The following SMARCB1 variants were observed in gnomAD, a reference collection of about 807,000 sequenced individuals.
The protein encoded by SMARCB1 is SWI/SNF-related matrix-associated actin-dependent regulator of chromatin subfamily B member 1.
A neutral mutation model predicts 49.0 loss-of-function variants in SMARCB1; 5 were observed. The observed-to-expected ratio is 0.10, with a 90% CI of 0.05 to 0.21. The LOEUF (loss-of-function observed/expected upper bound fraction) is 0.21. Among genes scored for constraint, SMARCB1 ranks in the 10% least tolerant of loss-of-function variants. SMARCB1 has a pLI of 1.00. For synonymous variants in SMARCB1, 201 were observed against 200.1 expected (o/e 1.00, Z -0.04); for missense variants, 226 against 509.2 (o/e 0.44, Z 5.35).
chr22:23,816,445 C>T, intron 5 of SMARCB1: 1 of 519,028 alleles, frequency 1.9e-6, no homozygotes, highest in Non-Finnish European at 3.5e-6. Context: ...TTTGATGTGC[C>T]TTTGCTGGCC....
Position 23,787,118 on chromosome 22 carries a change from G to T in SMARCB1, c.-52G>T. 1 of 1,170,156 alleles carries T rather than the reference G, an allele frequency of 8.5e-7. No individual in the cohort carries two copies. Among genetic ancestry groups the T allele is most frequent in the Non-Finnish European group, 1.3e-6 (1 of 781,710 alleles). 72.5% of individuals were successfully genotyped at this position (1,170,156 alleles called of 1,614,324 possible). A position where few individuals can be genotyped will look rare whatever the true frequency, so the allele number is the denominator to read the frequency against. On this transcript the variant is annotated 5_prime_UTR_variant, in exon 1 of 9. Coordinates refer to ENST00000644036, the MANE Select transcript of SMARCB1 (RefSeq NM_003073.5). Reference sequence around the variant, plus strand: ...CCCAGCACGCCCCGGCCCCGCCCCAGCCCTCCTGATCCCTCGCAGCCCGGC... The same window carrying T: ...CCCAGCACGCCCCGGCCCCGCCCCATCCCTCCTGATCCCTCGCAGCCCGGC...
intron 3 of SMARCB1, among the ~76,000 whole-genome samples, chr22:23,800,463 G>T (rs544565122): frequency 6.6e-6 from 1 of 152,266 alleles, no homozygotes; most frequent in Admixed American, 6.5e-5. Flanking sequence ...GCCACCTGCT[G>T]AGTAAAGTCA....
Position 23,833,002 on chromosome 22 carries a change from C to A in SMARCB1, c.987-570C>A, listed in dbSNP as rs150883427. Among the ~76,000 whole-genome samples, 322 of 152,180 alleles carry A rather than the reference C, an allele frequency of 2.1e-3. 1 individual carries two copies. The highest frequency in any genetic ancestry group is 7.5e-3 in the African/African-American group (312 of 41,512). On this transcript the variant is annotated intron_variant, in intron 7 of 8. Transcript: ENST00000644036. ...CTGTCTGATCCTAAGCACAGACCAG[C>A]CTCTCGGGGGTTTTGTTCGGCCAGG...
At chr22:23,814,426 G>A (rs1284329465) in intron 5 of SMARCB1, among the ~76,000 whole-genome samples, 1 of 152,254 alleles carries the variant, frequency 6.6e-6, no homozygotes, top group African/African-American at 2.4e-5. Flanking sequence ...AGCACTTCGG[G>A]AGGCTGAGGT....
intron 2 of SMARCB1, chr22:23,792,354 G>C: frequency 6.1e-6 from 2 of 330,136 alleles, no homozygotes; most frequent in Non-Finnish European, 5.9e-6. Flanking sequence ...GTGTGCTAGA[G>C]CCCATGTGCA....
At chr22:23,828,628 C>T (rs768648574) in intron 7 of SMARCB1, among the ~76,000 whole-genome samples, 6 of 152,038 alleles carry the variant, frequency 3.9e-5, no homozygotes, top group Non-Finnish European at 5.9e-5. Context: ...TGCTCCAGCC[C>T]GACAGAGCTA....
Position 23,834,207 on chromosome 22 carries a change from G to T in SMARCB1, c.*27G>T. On this transcript the variant is annotated 3_prime_UTR_variant, in exon 9 of 9. Transcript: ENST00000644036. ...CAGCCCATCAGCACACGGCTCCCAC[G>T]GAGCATCTCAGAAGATTGGGCCGCC... is the stretch of plus-strand genomic sequence containing the variant. 1.3e-6 allele frequency: 2 copies of T among 1,573,882 alleles called. No homozygotes were observed. Among genetic ancestry groups the T allele is most frequent in the East Asian group, 2.4e-5 (1 of 42,328 alleles).
At position 23,835,991 on chromosome 22, in the gene SMARCB1, C is replaced by T; in HGVS notation, c.*1811C>T. ...AATGACAACCTGTCTTTGGAGGAGG[C>T]CCCGTGCCACTGAGCATCCAGAAAT... On this transcript the variant is annotated 3_prime_UTR_variant, in exon 9 of 9. Transcript: ENST00000644036. 2 of 985,488 alleles carry T rather than the reference C, an allele frequency of 2.0e-6. No individual in the cohort carries two copies. The highest frequency in any genetic ancestry group is 9.4e-5 in the South Asian group (2 of 21,292). The allele number at this position is 985,488 out of a possible 1,614,324, so 61.0% of individuals were successfully genotyped here.
chr22:23,810,700 A>T (rs1929820645), intron 5 of SMARCB1, among the ~76,000 whole-genome samples: 1 of 152,060 alleles, frequency 6.6e-6, no homozygotes, highest in South Asian at 2.1e-4. Flanking sequence ...AAATTGTAAC[A>T]GTATCTGATA....
intron 5 of SMARCB1, among the ~76,000 whole-genome samples, chr22:23,806,272 G>A (rs1356455549): frequency 6.6e-6 from 1 of 152,212 alleles, no homozygotes; most frequent in Admixed American, 6.5e-5. Context: ...GTATAGTAAG[G>A]AAGACCAGGA....
At chr22:23,809,213 T>C (rs1929711852) in intron 5 of SMARCB1, among the ~76,000 whole-genome samples, 1 of 151,654 alleles carries the variant, frequency 6.6e-6, no homozygotes, top group Admixed American at 6.6e-5. Context: ...AGAAAAGAAC[T>C]GTTAATCTAG....
intron 7 of SMARCB1, chr22:23,825,928 A>G (rs1424625587): frequency 6.2e-6 from 1 of 161,496 alleles, no homozygotes; most frequent in Non-Finnish European, 1.4e-5. Flanking sequence ...GATGAGTACC[A>G]TGCTGGGCTG....
intron 5 of SMARCB1, among the ~76,000 whole-genome samples, chr22:23,811,583 A>G (rs1601415840): frequency 6.6e-6 from 1 of 152,388 alleles, no homozygotes; most frequent in South Asian, 2.1e-4. Context: ...GCTAAATAAC[A>G]GACTTCTAAA....
At chr22:23,833,387 A>G (rs1304577754) in intron 7 of SMARCB1, among the ~76,000 whole-genome samples, 185 bp from the exon 8 acceptor site, 1 of 152,188 alleles carries the variant, frequency 6.6e-6, no homozygotes, top group East Asian at 1.9e-4. Context: ...CATGGCGACA[A>G]CACTTGTTAT....
Position 23,837,268 on chromosome 22 carries a change from T to C in SMARCB1, c.*3088T>C. ...TGGTGGCCCTGCAGGCCCCACAGCA[T>C]GAGTGCCCCAAAGCCTTGCACAGAG... is the stretch of plus-strand genomic sequence containing the variant. On this transcript the variant is annotated 3_prime_UTR_variant, in exon 9 of 9. Coordinates refer to ENST00000644036, the MANE Select transcript of SMARCB1 (RefSeq NM_003073.5). 7.5e-7 allele frequency: 1 copy of C among 1,338,070 alleles called. No individual in the cohort carries two copies. Among genetic ancestry groups the C allele is most frequent in the Admixed American group, 2.3e-5 (1 of 42,574 alleles). 82.9% of individuals were successfully genotyped at this position (1,338,070 alleles called of 1,614,324 possible). A position where few individuals can be genotyped will look rare whatever the true frequency, so the allele number is the denominator to read the frequency against.
intron 7 of SMARCB1, among the ~76,000 whole-genome samples, chr22:23,829,010 C>T (rs1157451690): frequency 3.3e-5 from 5 of 152,084 alleles, no homozygotes; most frequent in African/African-American, 4.8e-5. Context: ...GTGACACAGG[C>T]GTCCCAGAGC....
intron 7 of SMARCB1, among the ~76,000 whole-genome samples, chr22:23,829,843 T>C (rs35635047): frequency 0.12 from 18,759 of 152,172 alleles, 1,246 homozygotes; most frequent in South Asian, 0.27. Context: ...CAGCCCTAGG[T>C]GTCCACTCAT....
At chr22:23,795,749 G>A (rs1433381916) in intron 3 of SMARCB1, among the ~76,000 whole-genome samples, 1 of 151,158 alleles carries the variant, frequency 6.6e-6, no homozygotes, top group African/African-American at 2.4e-5. Context: ...AAGGAATTGG[G>A]GAAGGTGTGA....
intron 5 of SMARCB1, chr22:23,816,012 A>G (rs1930175180): frequency 6.5e-6 from 1 of 152,706 alleles, no homozygotes; most frequent in African/African-American, 2.4e-5. Context: ...GGGAGGAGAT[A>G]GTGGGGCTGT....
Sources: allele counts gnomAD v4.1 joint callset (sites outside exome capture counted in the v4.1 genomes callset), GRCh38; gene constraint gnomAD v4.1.1; transcripts MANE v1.5; gene names NCBI Gene and HGNC (gene_info 2026-07-23, HGNC 2026-07-21).